The following OR7C1 variants were observed in gnomAD, a reference collection of about 807,000 sequenced individuals.
The protein encoded by OR7C1 is olfactory receptor 7C1.
For synonymous variants in OR7C1, 152 were observed against 160.7 expected (o/e 0.95, Z 0.41); for missense variants, 324 against 383.3 (o/e 0.85, Z 1.29).
intron 2 of OR7C1, among the ~76,000 whole-genome samples, chr19:14,804,353 T>A (rs570234506): frequency 1.2e-4 from 18 of 152,242 alleles, no homozygotes; most frequent in African/African-American, 4.1e-4. Flanking sequence ...ACTGGACAAA[T>A]ATGCAATCTT....
chr19:14,828,133 C>A, intron 1 of OR7C1: 4 of 1,613,962 alleles, frequency 2.5e-6, no homozygotes, highest in Admixed American at 1.7e-5. Context: ...AGCACAGTGA[C>A]CAGGTACATG....
At chr19:14,805,954 T>A (rs1172219978) in intron 2 of OR7C1, among the ~76,000 whole-genome samples, 4 of 151,986 alleles carry the variant, frequency 2.6e-5, no homozygotes, top group Non-Finnish European at 1.5e-5. Flanking sequence ...AATTTGGACA[T>A]CAAAGTAAGA....
At chr19:14,829,778 C>T (rs1004823231) in intron 1 of OR7C1, among the ~76,000 whole-genome samples, 12 of 152,152 alleles carry the variant, frequency 7.9e-5, no homozygotes, top group Admixed American at 7.9e-4. Context: ...CATTGGTCTC[C>T]TTTATAATAA....
rs1406149295 is a variant in OR7C1 at position 14,800,161 on chromosome 19, G to C, written c.-13-12C>G. 14 of 1,516,562 alleles carry C rather than the reference G, an allele frequency of 9.2e-6. No homozygotes were observed. Among genetic ancestry groups the C allele is most frequent in the Non-Finnish European group, 1.1e-5 (13 of 1,132,882 alleles). The allele number at this position is 1,516,562 out of a possible 1,614,324, so 93.9% of individuals were successfully genotyped here. On this transcript the variant is annotated splice_polypyrimidine_tract_variant and intron_variant, in intron 4 of 4. Coordinates refer to ENST00000641666, the Ensembl canonical transcript of OR7C1. Reference sequence around the variant, plus strand: ...TGGGGATAAAATAACTGCCACAAGAGAGAAAAAAGCAACAGTCAATTATCA... The same window carrying C: ...TGGGGATAAAATAACTGCCACAAGACAGAAAAAAGCAACAGTCAATTATCA...
chr19:14,800,977 T>G (rs1260699472), intron 2 of OR7C1, among the ~76,000 whole-genome samples: 1 of 152,206 alleles, frequency 6.6e-6, no homozygotes, highest in East Asian at 1.9e-4. Flanking sequence ...TGTTTCTCTT[T>G]TTCTTCTCTT....
intron 1 of OR7C1, among the ~76,000 whole-genome samples, chr19:14,832,440 T>C (rs559955860): frequency 1.6e-3 from 240 of 150,808 alleles, no homozygotes; most frequent in African/African-American, 5.7e-3. Flanking sequence ...TTTTCTTTTT[T>C]TTTTTTAATG....
rs183143368 is a variant in OR7C1, at chr19:14,812,104, A to G, written c.-622-2111T>C. ...GGACAGGCTGGGATGGTTCTACTCCATATGTCTTGTCAGTGGATTAGCAAG... is the reference window on the plus strand; with the variant it reads ...GGACAGGCTGGGATGGTTCTACTCCGTATGTCTTGTCAGTGGATTAGCAAG... On this transcript the variant is annotated intron_variant, in intron 1 of 4. Transcript: ENST00000641666. 1.0e-3 allele frequency among the ~76,000 whole-genome samples: 150 copies of G among 150,244 alleles called. 7 individuals are homozygous for G. The highest frequency in any genetic ancestry group is 3.6e-3 in the African/African-American group (142 of 39,674).
In OR7C1 at chr19:14,799,252, C is replaced by T. The variant is rs147900560; in HGVS notation, c.885G>A (p.Thr295=). ...GTCTCCCCAGGGCCCTCTTCATGTCCGTGTTCCTCAGGCTGTAGATGAAGG... is the reference window on the plus strand; with the variant it reads ...GTCTCCCCAGGGCCCTCTTCATGTCTGTGTTCCTCAGGCTGTAGATGAAGG... Residue 295 remains threonine (T), a synonymous_variant, in exon 5 of 5, where the codon ACG becomes ACA. Transcript: ENST00000641666. The T allele has an allele frequency of 9.9e-5, 159 of 1,613,970 alleles. 1 individual carries two copies. The highest frequency in any genetic ancestry group is 1.3e-4 in the Non-Finnish European group (153 of 1,180,024).
chr19:14,803,675 C>T (rs1203913272), intron 2 of OR7C1, among the ~76,000 whole-genome samples: 1 of 151,712 alleles, frequency 6.6e-6, no homozygotes, highest in Non-Finnish European at 1.5e-5. Context: ...CAAGGACTTC[C>T]TTACCCTCCC....
chr19:14,830,073 G>A (rs1228023914), intron 1 of OR7C1, among the ~76,000 whole-genome samples: 3 of 152,148 alleles, frequency 2.0e-5, no homozygotes, highest in Non-Finnish European at 4.4e-5. Context: ...ATGTTGCCCA[G>A]GCTGGTCTTG....
intron 1 of OR7C1, among the ~76,000 whole-genome samples, chr19:14,834,853 TA>T (rs2044869656): frequency 1.3e-5 from 2 of 152,232 alleles, no homozygotes; most frequent in African/African-American, 4.8e-5. Context: ...TAAATGTCAA[TA>T]GTCGTCACCC....
chr19:14,809,937 T>G lies in OR7C1; in HGVS notation c.-566A>C, dbSNP rs1156729488. 2 of 151,948 alleles carry G rather than the reference T, an allele frequency of 1.3e-5. No homozygotes were observed. The highest frequency in any genetic ancestry group is 2.9e-5 in the Non-Finnish European group (2 of 68,174). The allele number at this position is 151,948 out of a possible 1,614,324, so 9.4% of individuals were successfully genotyped here. A position where few individuals can be genotyped will look rare whatever the true frequency, so the allele number is the denominator to read the frequency against. On this transcript the variant is annotated 5_prime_UTR_variant, in exon 2 of 5. An upstream open reading frame in the 5' UTR loses its in-frame stop. Coordinates refer to ENST00000641666, the Ensembl canonical transcript of OR7C1. ...TGGTTCTCTGGAGTGGATGGACATT[T>G]CAGAGAGGCATAGAGAAGGTGCTCT... is the stretch of plus-strand genomic sequence containing the variant.
At chr19:14,828,303 CTAACCTTTCAGAAATACCATCA>C (rs2044795724) in intron 1 of OR7C1, 1 of 1,501,810 alleles carries the variant, frequency 6.7e-7, no homozygotes, top group Admixed American at 2.1e-5. Context: ...GCATGCATTG[CTAACCTTTCAGAAATACCATCA>C]TTTATATTTT....
intron 1 of OR7C1, among the ~76,000 whole-genome samples, chr19:14,823,888 G>T (rs905563511): frequency 6.8e-6 from 1 of 148,110 alleles, no homozygotes; most frequent in Non-Finnish European, 1.5e-5. Flanking sequence ...TGAAGAGATG[G>T]TACTCTCACT....
rs188031221 is a variant in OR7C1, at chr19:14,805,136, G to A, written c.-434-4372C>T. 1.1e-3 allele frequency among the ~76,000 whole-genome samples: 166 copies of A among 151,930 alleles called. 3 individuals carry two copies. In the East Asian group the frequency reaches 0.026, roughly 24 times the overall value. On this transcript the variant is annotated intron_variant, in intron 2 of 4. Transcript: ENST00000641666. Reference sequence around the variant, plus strand: ...CCTCAATGTTTGAATTCACAAGCACGGGGGTTAGAAGGAACATTTCTTGTT... The same window carrying A: ...CCTCAATGTTTGAATTCACAAGCACAGGGGTTAGAAGGAACATTTCTTGTT...
rs1182497144 is a variant in OR7C1 at position 14,809,169 on chromosome 19, T to C, written c.-435+637A>G. 3.3e-5 allele frequency among the ~76,000 whole-genome samples: 5 copies of C among 152,084 alleles called. No individual in the cohort carries two copies. The East Asian group carries it at 9.7e-4, about 29-fold the overall frequency. On this transcript the variant is annotated intron_variant, in intron 2 of 4. Coordinates refer to ENST00000641666, the Ensembl canonical transcript of OR7C1. Reference sequence around the variant, plus strand: ...CTCCTTAAACTCACTGTTGTGCTGATGAGGGATTGATCCACAGAATGTAAG... The same window carrying C: ...CTCCTTAAACTCACTGTTGTGCTGACGAGGGATTGATCCACAGAATGTAAG...
chr19:14,804,110 C>T (rs2044655549), intron 2 of OR7C1, among the ~76,000 whole-genome samples: 1 of 151,992 alleles, frequency 6.6e-6, no homozygotes, highest in South Asian at 2.1e-4. Flanking sequence ...TCTAGAAGGC[C>T]CTGACCTCTC....
chr19:14,815,780 T>TGTGC (rs1433769049), intron 1 of OR7C1, among the ~76,000 whole-genome samples: 1 of 110,282 alleles, frequency 9.1e-6, no homozygotes, highest in Non-Finnish European at 1.9e-5. Context: ...TCTCTGAGTT[T>TGTGC]GTGCGTGTGT....
chr19:14,832,757 G>A (rs2044845998), intron 1 of OR7C1, among the ~76,000 whole-genome samples: 1 of 151,930 alleles, frequency 6.6e-6, no homozygotes, highest in Non-Finnish European at 1.5e-5. Flanking sequence ...ATGTGACGAT[G>A]TATGCATTAT....
Sources: gnomAD v4.1 joint callset for allele counts (sites outside exome capture counted in the v4.1 genomes callset) on GRCh38, gnomAD v4.1.1 for gene constraint, MANE v1.5 for transcripts, NCBI Gene and HGNC (gene_info 2026-07-23, HGNC 2026-07-21) for gene names.